The following DACH1 variants were observed in gnomAD, a reference collection of about 807,000 sequenced individuals.
DACH1 encodes dachshund family transcription factor 1.
DACH1 carries 12 observed loss-of-function variants against 54.2 expected under a neutral mutation model. The observed-to-expected ratio is 0.22, with a 90% CI of 0.14 to 0.36. The LOEUF (loss-of-function observed/expected upper bound fraction) is 0.36, where lower values mean the gene tolerates loss of function less well. Among genes scored for constraint, DACH1 ranks in the 10% least tolerant of loss-of-function variants. The pLI is 1.00. For missense variants in DACH1, 805 were observed against 929.8 expected (o/e 0.87, Z 1.75); for synonymous variants, 386 against 366.2 (o/e 1.05, Z -0.62).
At chr13:71,599,272 C>G (rs1593962235) in intron 3 of DACH1, among the ~76,000 whole-genome samples, 1 of 151,874 alleles carries the variant, frequency 6.6e-6, no homozygotes, top group South Asian at 2.1e-4. Context: ...ATTCTCTGAC[C>G]CAAAATTAAA....
chr13:71,771,284 A>C (rs547889487), intron 1 of DACH1, among the ~76,000 whole-genome samples: 2 of 150,928 alleles, frequency 1.3e-5, no homozygotes, highest in South Asian at 4.2e-4. Flanking sequence ...ATGAAGAAGA[A>C]CACCACCAGC....
chr13:71,643,990 T>C (rs1230742779), intron 2 of DACH1, among the ~76,000 whole-genome samples: 1 of 152,164 alleles, frequency 6.6e-6, no homozygotes, highest in African/African-American at 2.4e-5. Context: ...ATGCTTTCTT[T>C]AGGTGTTGAA....
At chr13:71,566,988 T>C (rs1486814583) in intron 4 of DACH1, among the ~76,000 whole-genome samples, 2 of 152,128 alleles carry the variant, frequency 1.3e-5, no homozygotes, top group Non-Finnish European at 2.9e-5. Context: ...GTAGTTTTTA[T>C]AATCTTTTCA....
chr13:71,694,859 G>A (rs778670099), intron 1 of DACH1, among the ~76,000 whole-genome samples: 1 of 152,120 alleles, frequency 6.6e-6, no homozygotes, highest in Non-Finnish European at 1.5e-5. Flanking sequence ...CATAATGTAT[G>A]AACTAGAATT....
At chr13:71,684,826 A>G (rs1367588066) in intron 1 of DACH1, among the ~76,000 whole-genome samples, 1 of 152,100 alleles carries the variant, frequency 6.6e-6, no homozygotes, top group Non-Finnish European at 1.5e-5. Flanking sequence ...TTTCTCCCAA[A>G]TCCTTCAAGT....
chr13:71,444,241 C>A (rs919163987), intron 10 of DACH1, among the ~76,000 whole-genome samples: 71 of 151,942 alleles, frequency 4.7e-4, no homozygotes, highest in Admixed American at 1.4e-3. Flanking sequence ...GTTTAAAAAT[C>A]TAGTAACAGA....
intron 1 of DACH1, among the ~76,000 whole-genome samples, chr13:71,790,895 A>C (rs1594226266): frequency 6.6e-6 from 1 of 152,360 alleles, no homozygotes; most frequent in East Asian, 1.9e-4. Context: ...TTTACAAAAC[A>C]GTTCATAGAG....
chr13:71,736,279 G>A (rs796414639), intron 1 of DACH1, among the ~76,000 whole-genome samples: 1 of 152,134 alleles, frequency 6.6e-6, no homozygotes, highest in Non-Finnish European at 1.5e-5. Flanking sequence ...TTACCATGAT[G>A]TGCCATCACA....
intron 1 of DACH1, among the ~76,000 whole-genome samples, chr13:71,768,612 A>C (rs1348570414): frequency 6.6e-6 from 1 of 151,980 alleles, no homozygotes; most frequent in Admixed American, 6.6e-5. Flanking sequence ...CATGGATGAC[A>C]TATTTTTTCT....
intron 1 of DACH1, among the ~76,000 whole-genome samples, chr13:71,737,938 C>T (rs568541271): frequency 3.3e-5 from 5 of 152,206 alleles, no homozygotes; most frequent in Admixed American, 3.3e-4. Context: ...AGATGAGTAA[C>T]GCTGAAAGTG....
chr13:71,787,332 T>A (rs1194823939), intron 1 of DACH1, among the ~76,000 whole-genome samples: 1 of 152,218 alleles, frequency 6.6e-6, no homozygotes, highest in East Asian at 1.9e-4. Flanking sequence ...TTACTTTAGC[T>A]AGAGAGACAA....
intron 6 of DACH1, among the ~76,000 whole-genome samples, chr13:71,517,271 T>C (rs1566310951): frequency 1.3e-5 from 2 of 151,884 alleles, no homozygotes; most frequent in African/African-American, 2.4e-5. Context: ...AAATTACTTA[T>C]ATGGCTTCCA....
At chr13:71,653,977 A>G (rs560613694) in intron 2 of DACH1, among the ~76,000 whole-genome samples, 2 of 152,206 alleles carry the variant, frequency 1.3e-5, no homozygotes, top group Admixed American at 6.5e-5. Context: ...AACTATAGTC[A>G]GCGTTCTGTT....
At chr13:71,682,694 C>T (rs574875986) in intron 1 of DACH1, among the ~76,000 whole-genome samples, 6 of 152,170 alleles carry the variant, frequency 3.9e-5, no homozygotes, top group African/African-American at 1.4e-4. Context: ...AAGGAACTGC[C>T]AGTGTAGCAT....
intron 3 of DACH1, among the ~76,000 whole-genome samples, chr13:71,588,123 A>C (rs995570490): frequency 1.3e-5 from 2 of 152,156 alleles, no homozygotes; most frequent in Non-Finnish European, 2.9e-5. Flanking sequence ...ACAAAGGTTT[A>C]GATGGGAACG....
At chr13:71,620,682 T>G (rs1026821575) in intron 3 of DACH1, among the ~76,000 whole-genome samples, 1 of 151,974 alleles carries the variant, frequency 6.6e-6, no homozygotes, top group Middle Eastern at 3.2e-3. Flanking sequence ...TGTTTTGAAC[T>G]TCAGCTATCA....
intron 1 of DACH1, among the ~76,000 whole-genome samples, chr13:71,773,983 A>C (rs1885965165): frequency 6.6e-6 from 1 of 152,020 alleles, no homozygotes; most frequent in African/African-American, 2.4e-5. Flanking sequence ...TTTAAAAAAA[A>C]AAAAAAAGGA....
At chr13:71,713,314 T>C (rs775026593) in intron 1 of DACH1, among the ~76,000 whole-genome samples, 9 of 152,126 alleles carry the variant, frequency 5.9e-5, no homozygotes, top group Non-Finnish European at 1.2e-4. Context: ...AAGCTATTTC[T>C]AGTAAAGAAT....
intron 4 of DACH1, among the ~76,000 whole-genome samples, chr13:71,569,523 C>A (rs73521264): frequency 6.8e-4 from 103 of 152,136 alleles, no homozygotes; most frequent in African/African-American, 2.4e-3. Context: ...ACTCACAGGC[C>A]ATGAAAACCA....
Sources: gnomAD v4.1 joint callset for allele counts (sites outside exome capture counted in the v4.1 genomes callset) on GRCh38, gnomAD v4.1.1 for gene constraint, MANE v1.5 for transcripts, NCBI Gene and HGNC (gene_info 2026-07-23, HGNC 2026-07-21) for gene names.